XRN1: variants seen among roughly 807,000 people sequenced by gnomAD.
XRN1 encodes the protein strand-exchange protein 1 homolog.
Under a neutral mutation model 222.3 loss-of-function variants are expected in XRN1, and 67 were observed. The observed-to-expected ratio is 0.30, with a 90% CI of 0.25 to 0.37. The LOEUF is 0.37. Ranked by LOEUF, XRN1 falls within the 10% of genes least tolerant of loss-of-function variation. The pLI, the probability that XRN1 is intolerant of heterozygous loss-of-function variation, is 1.00. For missense variants in XRN1, 1,707 were observed against 2,000.2 expected (o/e 0.85, Z 2.80); for synonymous variants, 643 against 652.4 (o/e 0.99, Z 0.22).
intron 21 of XRN1, among the ~76,000 whole-genome samples, chr3:142,384,208 C>G (rs1229651934): frequency 1.3e-5 from 2 of 150,924 alleles, no homozygotes; most frequent in Non-Finnish European, 3.0e-5. Context: ...GAAGGCGGAG[C>G]CTGCAGTGAG....
chr3:142,393,291 T>C (rs2067805699), intron 20 of XRN1, among the ~76,000 whole-genome samples: 1 of 149,848 alleles, frequency 6.7e-6, no homozygotes, highest in South Asian at 2.1e-4. Context: ...TTCACTCTGA[T>C]GGTAGTTTCT....
At chr3:142,361,571 T>A (rs1371389401) in intron 29 of XRN1, among the ~76,000 whole-genome samples, 4 of 152,122 alleles carry the variant, frequency 2.6e-5, no homozygotes, top group Admixed American at 1.3e-4. Flanking sequence ...TATAGGAGAG[T>A]TCTAGTTGCC....
intron 37 of XRN1, among the ~76,000 whole-genome samples, chr3:142,322,965 T>A (rs2065401563): frequency 6.6e-6 from 1 of 152,090 alleles, no homozygotes; most frequent in Admixed American, 6.5e-5. Flanking sequence ...ATCACAGCAC[T>A]GCACTCCAGC....
intron 1 of XRN1, among the ~76,000 whole-genome samples, chr3:142,445,700 G>GT (rs2070468320): frequency 6.6e-6 from 1 of 151,742 alleles, no homozygotes; most frequent in African/African-American, 2.4e-5. Flanking sequence ...TAACATTTCC[G>GT]TAAGACTTTA....
chr3:142,441,499 C>T (rs968605958), intron 1 of XRN1, among the ~76,000 whole-genome samples: 20 of 152,304 alleles, frequency 1.3e-4, no homozygotes, highest in African/African-American at 4.1e-4. Flanking sequence ...AGCTTGCAAC[C>T]GTGGCATACC....
At chr3:142,409,047 T>C (rs536192111) in intron 15 of XRN1, among the ~76,000 whole-genome samples, 2 of 152,342 alleles carry the variant, frequency 1.3e-5, no homozygotes, top group South Asian at 4.1e-4. Flanking sequence ...TTGGGTTGTG[T>C]CTTTAACTTG....
intron 32 of XRN1, among the ~76,000 whole-genome samples, chr3:142,351,784 T>A (rs191140053): frequency 2.6e-5 from 4 of 151,956 alleles, no homozygotes; most frequent in Admixed American, 2.0e-4. Context: ...CAAGATTTAA[T>A]CCAGTATCTG....
At chr3:142,436,280 T>C (rs1000333531) in intron 1 of XRN1, among the ~76,000 whole-genome samples, 7 of 152,288 alleles carry the variant, frequency 4.6e-5, no homozygotes, top group African/African-American at 1.4e-4. Flanking sequence ...ACATATTTCA[T>C]GTTATTAAAA....
intron 13 of XRN1, among the ~76,000 whole-genome samples, chr3:142,414,816 G>A (rs2068723600): frequency 6.6e-6 from 1 of 152,154 alleles, no homozygotes; most frequent in Admixed American, 6.5e-5. Context: ...TTTTTAAAGT[G>A]TGGTTTCACA....
intron 31 of XRN1, 133 bp downstream of exon 31, chr3:142,356,779 G>T: frequency 1.2e-6 from 1 of 826,508 alleles, no homozygotes; most frequent in Non-Finnish European, 1.9e-6. Flanking sequence ...TCTTAAATTT[G>T]GAATTGACCT....
At chr3:142,346,825 TGGAACCCACA>T (rs1474703512) in intron 33 of XRN1, among the ~76,000 whole-genome samples, 1 of 152,174 alleles carries the variant, frequency 6.6e-6, no homozygotes, top group Non-Finnish European at 1.5e-5. Flanking sequence ...TCCATGGATG[TGGAACCCACA>T]GGTACAGAGG....
At chr3:142,320,767 C>T (rs968487884) in intron 37 of XRN1, among the ~76,000 whole-genome samples, 1 of 151,964 alleles carries the variant, frequency 6.6e-6, no homozygotes, top group African/African-American at 2.4e-5. Flanking sequence ...GAAGTATTTT[C>T]TCTTATTCTA....
At chr3:142,324,540 C>G (rs1414539583) in intron 37 of XRN1, among the ~76,000 whole-genome samples, 3 of 149,988 alleles carry the variant, frequency 2.0e-5, no homozygotes, top group Non-Finnish European at 1.5e-5. Context: ...ATTGTGAATA[C>G]TGCTGCAATA....
intron 15 of XRN1, among the ~76,000 whole-genome samples, chr3:142,408,409 G>A (rs531679525): frequency 6.6e-6 from 1 of 152,300 alleles, no homozygotes; most frequent in East Asian, 1.9e-4. Context: ...AAAGGGCTGG[G>A]AGGGTCTTCT....
intron 1 of XRN1, among the ~76,000 whole-genome samples, chr3:142,440,554 G>A (rs2070156643): frequency 6.6e-6 from 1 of 151,904 alleles, no homozygotes; most frequent in African/African-American, 2.4e-5. Context: ...GCCCAACAAG[G>A]ACTCCAAAAG....
intron 1 of XRN1, among the ~76,000 whole-genome samples, chr3:142,434,232 C>CATGG (rs1192851853): frequency 6.6e-6 from 1 of 152,078 alleles, no homozygotes; most frequent in African/African-American, 2.4e-5. Flanking sequence ...CTGCAGCCTC[C>CATGG]ACCTCCCAGG....
chr3:142,360,804 G>A (rs1291981466), intron 29 of XRN1, among the ~76,000 whole-genome samples: 3 of 150,706 alleles, frequency 2.0e-5, no homozygotes, highest in African/African-American at 4.9e-5. Flanking sequence ...AACTCGGGAG[G>A]TGGAGCTTGC....
At chr3:142,385,111 A>G (rs1382665626) in intron 20 of XRN1, among the ~76,000 whole-genome samples, 1 of 152,224 alleles carries the variant, frequency 6.6e-6, no homozygotes, top group African/African-American at 2.4e-5. Flanking sequence ...TGACCCAACA[A>G]TTCTAAGCAT....
chr3:142,441,862 TC>T (rs2070230485), intron 1 of XRN1, among the ~76,000 whole-genome samples: 1 of 152,214 alleles, frequency 6.6e-6, no homozygotes, highest in South Asian at 2.1e-4. Context: ...TTTCAGAGGT[TC>T]CCTTGACGGA....
Sources: gnomAD v4.1 joint callset for allele counts (sites outside exome capture counted in the v4.1 genomes callset) on GRCh38, gnomAD v4.1.1 for gene constraint, MANE v1.5 for transcripts, NCBI Gene and HGNC (gene_info 2026-07-23, HGNC 2026-07-21) for gene names.